Variants in HS6ST3 observed in about 807,000 individuals in gnomAD.
HS6ST3 encodes heparan sulfate 6-O-sulfotransferase 3, also known as heparan-sulfate 6-O-sulfotransferase 3.
A neutral mutation model predicts 36.7 loss-of-function variants in HS6ST3; 12 were observed. The ratio of observed to expected loss-of-function variants is 0.33; its 90% CI spans 0.21 to 0.53. The LOEUF is 0.53. Ranked by LOEUF, HS6ST3 falls within the 20% of genes least tolerant of loss-of-function variation. The pLI, the probability that HS6ST3 is intolerant of heterozygous loss-of-function variation, is 0.95. For synonymous variants in HS6ST3, 240 were observed against 257.5 expected (o/e 0.93, Z 0.65); for missense variants, 584 against 640.9 (o/e 0.91, Z 0.96).
chr13:96,410,676 T>C (rs1414706790), intron 1 of HS6ST3, among the ~76,000 whole-genome samples: 1 of 152,210 alleles, frequency 6.6e-6, no homozygotes, highest in Non-Finnish European at 1.5e-5. Flanking sequence ...GTAATATTAG[T>C]TAACCATATT....
intron 1 of HS6ST3, 113 bp from the exon 2 acceptor site, chr13:96,832,377 A>G (rs932760110): frequency 1.4e-6 from 1 of 735,302 alleles, no homozygotes. Flanking sequence ...ATACTCTCAC[A>G]TGAACATTTG....
intron 1 of HS6ST3, among the ~76,000 whole-genome samples, chr13:96,137,367 A>G (rs55877536): frequency 0.012 from 1,857 of 152,072 alleles, 45 homozygotes; most frequent in African/African-American, 0.041. Context: ...TCATGGTATG[A>G]ATACATCATT....
intron 1 of HS6ST3, among the ~76,000 whole-genome samples, chr13:96,613,954 C>T (rs1222660577): frequency 6.6e-6 from 1 of 152,140 alleles, no homozygotes; most frequent in Non-Finnish European, 1.5e-5. Flanking sequence ...TAAGGTATCC[C>T]TCCATCTGAG....
At chr13:96,355,100 A>C (rs1380634515) in intron 1 of HS6ST3, among the ~76,000 whole-genome samples, 1 of 152,184 alleles carries the variant, frequency 6.6e-6, no homozygotes, top group African/African-American at 2.4e-5. Context: ...TCAAAAAAGG[A>C]TAACTATAGT....
chr13:96,532,840 G>A (rs1349932342), intron 1 of HS6ST3, among the ~76,000 whole-genome samples: 2 of 152,096 alleles, frequency 1.3e-5, no homozygotes, highest in Non-Finnish European at 2.9e-5. Context: ...TTTCCTAATA[G>A]TACTAGGGAC....
chr13:96,699,278 C>A (rs930785014), intron 1 of HS6ST3, among the ~76,000 whole-genome samples: 1 of 152,146 alleles, frequency 6.6e-6, no homozygotes, highest in African/African-American at 2.4e-5. Context: ...AGAGCTTCTG[C>A]ACAGCAAAAG....
intron 1 of HS6ST3, among the ~76,000 whole-genome samples, chr13:96,603,764 T>A (rs2056429577): frequency 6.6e-6 from 1 of 152,230 alleles, no homozygotes; most frequent in Non-Finnish European, 1.5e-5. Context: ...ATGTGTTGGC[T>A]TAAGAGAGAC....
chr13:96,438,451 C>T (rs962713701), intron 1 of HS6ST3, among the ~76,000 whole-genome samples: 12 of 152,200 alleles, frequency 7.9e-5, no homozygotes, highest in Non-Finnish European at 4.4e-5. Context: ...AGGGTTGGAA[C>T]CAGAAGCCAT....
intron 1 of HS6ST3, among the ~76,000 whole-genome samples, chr13:96,512,870 A>G (rs1303356750): frequency 1.3e-5 from 2 of 150,706 alleles, no homozygotes; most frequent in African/African-American, 4.9e-5. Flanking sequence ...CTGATCTTTA[A>G]CCTCTCATTT....
At chr13:96,784,805 A>T (rs1566453102) in intron 1 of HS6ST3, among the ~76,000 whole-genome samples, 1 of 152,174 alleles carries the variant, frequency 6.6e-6, no homozygotes. Flanking sequence ...CATGAAATGA[A>T]ACCCTAAAAT....
intron 1 of HS6ST3, among the ~76,000 whole-genome samples, chr13:96,297,582 C>A (rs562675659): frequency 6.6e-6 from 1 of 152,218 alleles, no homozygotes; most frequent in African/African-American, 2.4e-5. Context: ...CTGAGTGGTC[C>A]CTGCAAATGG....
At chr13:96,118,020 C>G (rs551982512) in intron 1 of HS6ST3, among the ~76,000 whole-genome samples, 21 of 152,118 alleles carry the variant, frequency 1.4e-4, no homozygotes, top group African/African-American at 4.3e-4. Context: ...CAGGTGTGTA[C>G]CACCACGCCC....
intron 1 of HS6ST3, among the ~76,000 whole-genome samples, chr13:96,469,654 G>T (rs975082965): frequency 2.0e-5 from 3 of 152,126 alleles, no homozygotes; most frequent in Non-Finnish European, 2.9e-5. Context: ...ATCATGCTAG[G>T]AAACTAGCTG....
At chr13:96,773,401 G>A (rs1877315119) in intron 1 of HS6ST3, among the ~76,000 whole-genome samples, 2 of 151,874 alleles carry the variant, frequency 1.3e-5, no homozygotes, top group South Asian at 2.1e-4. Context: ...GCCCCCTATG[G>A]AGCCCTGCAA....
intron 1 of HS6ST3, among the ~76,000 whole-genome samples, chr13:96,106,061 G>A (rs1228075219): frequency 1.3e-5 from 2 of 152,060 alleles, no homozygotes; most frequent in African/African-American, 4.8e-5. Context: ...GTATATAGAG[G>A]GTTCTGAAAA....
At chr13:96,764,929 G>T (rs1027160659) in intron 1 of HS6ST3, among the ~76,000 whole-genome samples, 3 of 152,006 alleles carry the variant, frequency 2.0e-5, no homozygotes, top group African/African-American at 7.2e-5. Context: ...TAATTATCTT[G>T]AGTTTAATTC....
At chr13:96,797,438 G>C (rs1284444656) in intron 1 of HS6ST3, among the ~76,000 whole-genome samples, 1 of 152,020 alleles carries the variant, frequency 6.6e-6, no homozygotes, top group Non-Finnish European at 1.5e-5. Flanking sequence ...GGTTAATTGA[G>C]TTTGAATGAT....
intron 1 of HS6ST3, among the ~76,000 whole-genome samples, chr13:96,817,153 G>C (rs1468666359): frequency 2.0e-5 from 3 of 152,000 alleles, no homozygotes; most frequent in African/African-American, 7.3e-5. Context: ...TTTAACTGCT[G>C]TGTCACCCTC....
intron 1 of HS6ST3, among the ~76,000 whole-genome samples, chr13:96,423,166 G>T (rs540278822): frequency 6.6e-6 from 1 of 152,156 alleles, no homozygotes; most frequent in South Asian, 2.1e-4. Flanking sequence ...TTCTCCTTAA[G>T]AATGAGGGTC....
Sources: gnomAD v4.1 joint callset for allele counts (sites outside exome capture counted in the v4.1 genomes callset) on GRCh38, gnomAD v4.1.1 for gene constraint, MANE v1.5 for transcripts, NCBI Gene and HGNC (gene_info 2026-07-23, HGNC 2026-07-21) for gene names.